Variants in NALCN observed in about 807,000 individuals in gnomAD.
NALCN encodes sodium leak channel, non-selective.
In NALCN, 111 loss-of-function variants were observed where a neutral mutation model predicts 225.3. The observed-to-expected ratio is 0.49, with a 90% CI of 0.42 to 0.58. The LOEUF is 0.58. NALCN is among the 20% of genes least tolerant of loss of function. The pLI, the probability that NALCN is intolerant of heterozygous loss-of-function variation, is 0.00. For synonymous variants in NALCN, 764 were observed against 769.0 expected (o/e 0.99, Z 0.11); for missense variants, 1,378 against 2,202.4 (o/e 0.63, Z 7.49).
At position 101,107,629 on chromosome 13, in the gene NALCN, G is replaced by C. The variant is rs760624770; in HGVS notation, c.2457-20C>G. On this transcript the variant is annotated intron_variant, in intron 21 of 43. Coordinates refer to ENST00000251127, the MANE Select transcript of NALCN (RefSeq NM_052867.4). ...ACTTTCCTTGAAGGAGAAATTCATG[G>C]GAGAATGAGGCTAAGGGAAATTTTG... is the stretch of plus-strand genomic sequence containing the variant. 9.9e-6 allele frequency: 16 copies of C among 1,613,928 alleles called. No homozygotes were observed.
rs746983268 is a variant in NALCN at position 101,068,845 on chromosome 13, GGAA to G, written c.4198-21_4198-19del. ...GGCTGAACCTTTGGGGCATTGGGGT[GGAA>G]GAAGGAGAGGATAAGAGTAGAGAAT... On this transcript the variant is annotated intron_variant, in intron 37 of 43. Coordinates refer to ENST00000251127, the MANE Select transcript of NALCN (RefSeq NM_052867.4). 2.5e-6 allele frequency: 4 copies of G among 1,592,006 alleles called. No individual in the cohort carries two copies. The African/African-American group carries it at 4.0e-5, about 16-fold the overall frequency.
chr13:101,125,938 G>C (rs933194726), intron 17 of NALCN, among the ~76,000 whole-genome samples: 5 of 152,198 alleles, frequency 3.3e-5, no homozygotes, highest in African/African-American at 1.2e-4. Context: ...AAACAAAGTT[G>C]AGGGGGGAAA....
chr13:101,212,335 T>C (rs942421729), intron 13 of NALCN, among the ~76,000 whole-genome samples: 3 of 152,212 alleles, frequency 2.0e-5, no homozygotes, highest in Admixed American at 2.0e-4. Context: ...ATTCCCAGAA[T>C]TTTAAAATAC....
At chr13:101,383,326 C>T (rs1256773886) in intron 3 of NALCN, among the ~76,000 whole-genome samples, 3 of 152,084 alleles carry the variant, frequency 2.0e-5, no homozygotes, top group African/African-American at 7.2e-5. Flanking sequence ...TATTTGGTCT[C>T]TCCAACTTAT....
intron 13 of NALCN, among the ~76,000 whole-genome samples, chr13:101,210,231 C>T (rs567771676): frequency 1.5e-4 from 23 of 152,272 alleles, no homozygotes; most frequent in Non-Finnish European, 2.6e-4. Flanking sequence ...TGCTCACACA[C>T]GTACACACAT....
At chr13:101,404,564 G>A (rs59758184) in intron 1 of NALCN, among the ~76,000 whole-genome samples, 6,112 of 151,158 alleles carry the variant, frequency 0.04, 229 homozygotes, top group East Asian at 0.11. Context: ...GGCTGCAGAT[G>A]AAGTAGTAAT....
At chr13:101,179,371 T>A (rs1594374611) in intron 14 of NALCN, among the ~76,000 whole-genome samples, 1 of 152,306 alleles carries the variant, frequency 6.6e-6, no homozygotes, top group South Asian at 2.1e-4. Context: ...CTATACAATG[T>A]CTGAAAATAT....
At chr13:101,269,510 G>A (rs1440334689) in intron 10 of NALCN, among the ~76,000 whole-genome samples, 1 of 152,138 alleles carries the variant, frequency 6.6e-6, no homozygotes, top group Admixed American at 6.5e-5. Flanking sequence ...AGGTGTCTTA[G>A]CAAGGACTCC....
intron 9 of NALCN, among the ~76,000 whole-genome samples, chr13:101,285,474 A>AT (rs74692199): frequency 0.12 from 16,955 of 146,674 alleles, 1,154 homozygotes; most frequent in African/African-American, 0.19. Flanking sequence ...TAATTTTTGT[A>AT]TTTTTTTTTT....
intron 27 of NALCN, among the ~76,000 whole-genome samples, chr13:101,099,191 T>G (rs936098998): frequency 2.0e-5 from 3 of 151,964 alleles, no homozygotes; most frequent in Admixed American, 6.6e-5. Context: ...AGCTTGTGGA[T>G]GAATGCGTCA....
At chr13:101,100,684 A>T in intron 27 of NALCN, 100 bp downstream of exon 27, 10 of 962,106 alleles carry the variant, frequency 1.0e-5, no homozygotes, top group Non-Finnish European at 1.5e-5. Context: ...GTTTCAAGTA[A>T]TCTTCCCTCC....
At chr13:101,283,400 C>T (rs566308736) in intron 10 of NALCN, among the ~76,000 whole-genome samples, 1 of 152,232 alleles carries the variant, frequency 6.6e-6, no homozygotes, top group African/African-American at 2.4e-5. Flanking sequence ...CAGGCAGGGA[C>T]GTGAGACTCC....
intron 43 of NALCN, 42 bp downstream of exon 43, chr13:101,057,897 T>C: frequency 6.6e-7 from 1 of 1,505,500 alleles, no homozygotes; most frequent in South Asian, 1.1e-5. Context: ...TAAATACCTT[T>C]AAAATGCCTC....
intron 7 of NALCN, among the ~76,000 whole-genome samples, chr13:101,310,647 T>C (rs2044308798): frequency 6.6e-6 from 1 of 152,154 alleles, no homozygotes; most frequent in Non-Finnish European, 1.5e-5. Context: ...ATTTCCTGTT[T>C]CCTTTGGTAG....
At chr13:101,287,110 T>A (rs574114756) in intron 9 of NALCN, among the ~76,000 whole-genome samples, 2 of 152,332 alleles carry the variant, frequency 1.3e-5, no homozygotes, top group East Asian at 3.9e-4. Flanking sequence ...CATATGCCCT[T>A]GGCTACTGCC....
intron 17 of NALCN, 134 bp downstream of exon 17, chr13:101,142,946 T>C (rs745773770): frequency 1.6e-6 from 2 of 1,267,706 alleles, no homozygotes; most frequent in Non-Finnish European, 2.3e-6. Flanking sequence ...CATGATATCT[T>C]TTACAAATGA....
At position 101,267,071 on chromosome 13, in the gene NALCN, G is replaced by GGACA. The variant is rs1566506736; in HGVS notation, c.1135-8501_1135-8498dup. On this transcript the variant is annotated intron_variant, in intron 10 of 43. Transcript: ENST00000251127. ...GGTACCAAGAGCCTATGATTTCAGT[G>GGACA]GACACCCTGCCAGCTGCCACGCCCT... 2.6e-5 allele frequency among the ~76,000 whole-genome samples: 4 copies of GGACA among 152,242 alleles called. No homozygotes were observed. In the East Asian group the frequency reaches 7.7e-4, roughly 29 times the overall value.
chr13:101,134,365 C>A (rs2036664440), intron 17 of NALCN, among the ~76,000 whole-genome samples: 1 of 152,202 alleles, frequency 6.6e-6, no homozygotes, highest in African/African-American at 2.4e-5. Flanking sequence ...ACAAGTTGAT[C>A]CCTGCCCTGT....
intron 40 of NALCN, among the ~76,000 whole-genome samples, chr13:101,063,513 G>A (rs1375503890): frequency 2.0e-5 from 3 of 152,210 alleles, no homozygotes; most frequent in African/African-American, 4.8e-5. Flanking sequence ...ACAACAGTAT[G>A]CCTATCTGCC....
Sources: gnomAD v4.1 joint callset for allele counts (sites outside exome capture counted in the v4.1 genomes callset) on GRCh38, gnomAD v4.1.1 for gene constraint, MANE v1.5 for transcripts, NCBI Gene and HGNC (gene_info 2026-07-23, HGNC 2026-07-21) for gene names.